Variants in KIAA1217 observed in about 807,000 individuals in gnomAD.
The protein encoded by KIAA1217 is sickle tail protein homolog.
A neutral mutation model predicts 163.9 loss-of-function variants in KIAA1217; 88 were observed. That is an observed-to-expected ratio of 0.54 (90% confidence interval 0.45 to 0.64). KIAA1217 has a LOEUF of 0.64. Among genes scored for constraint, KIAA1217 ranks in the 30% least tolerant of loss-of-function variants. The pLI is 0.00. For missense variants in KIAA1217, 2,372 were observed against 2,475.0 expected (o/e 0.96, Z 0.88); for synonymous variants, 903 against 923.1 (o/e 0.98, Z 0.39).
At chr10:24,182,841 G>T (rs2066245124) in intron 2 of KIAA1217, among the ~76,000 whole-genome samples, 1 of 152,084 alleles carries the variant, frequency 6.6e-6, no homozygotes, top group African/African-American at 2.4e-5. Context: ...AGAATCAGTT[G>T]GTCTTTGATA....
intron 2 of KIAA1217, among the ~76,000 whole-genome samples, chr10:24,251,700 A>T (rs1590232609): frequency 1.3e-5 from 2 of 151,930 alleles, no homozygotes; most frequent in African/African-American, 4.8e-5. Flanking sequence ...CCCTAATCTG[A>T]TGTTTTTGTA....
intron 2 of KIAA1217, among the ~76,000 whole-genome samples, chr10:24,047,482 C>T (rs914814352): frequency 2.0e-5 from 3 of 152,166 alleles, no homozygotes; most frequent in Admixed American, 6.5e-5. Flanking sequence ...CCAGTGTTCT[C>T]AAGAGCTCAT....
At chr10:23,829,861 G>C (rs980615420) in intron 1 of KIAA1217, among the ~76,000 whole-genome samples, 1 of 152,158 alleles carries the variant, frequency 6.6e-6, no homozygotes, top group African/African-American at 2.4e-5. Flanking sequence ...TGACCTCTTA[G>C]TAAATAGAAA....
chr10:23,907,291 T>A (rs192714900), intron 1 of KIAA1217, among the ~76,000 whole-genome samples: 15 of 144,168 alleles, frequency 1.0e-4, no homozygotes, highest in Admixed American at 5.9e-4. Context: ...ACCAATATGA[T>A]TTGTGTGTGT....
At chr10:24,410,918 G>C (rs755619152) in intron 3 of KIAA1217, among the ~76,000 whole-genome samples, 1 of 152,066 alleles carries the variant, frequency 6.6e-6, no homozygotes, top group Non-Finnish European at 1.5e-5. Flanking sequence ...TCCTTCGTGC[G>C]TGTCTTCTTT....
intron 1 of KIAA1217, among the ~76,000 whole-genome samples, chr10:23,876,602 G>T (rs1840708142): frequency 6.6e-6 from 1 of 151,894 alleles, no homozygotes; most frequent in Non-Finnish European, 1.5e-5. Flanking sequence ...TACTGGGATG[G>T]CACTCTTCCA....
intron 1 of KIAA1217, among the ~76,000 whole-genome samples, chr10:24,210,364 G>A (rs371672839): frequency 2.6e-5 from 4 of 152,242 alleles, no homozygotes; most frequent in East Asian, 3.9e-4. Flanking sequence ...GTCATCTGTC[G>A]AAGTGTCTGC....
intron 2 of KIAA1217, among the ~76,000 whole-genome samples, chr10:24,267,999 C>A (rs995798664): frequency 4.6e-5 from 7 of 152,268 alleles, no homozygotes; most frequent in South Asian, 2.1e-4. Flanking sequence ...TTGTAACTGG[C>A]CCTTTAACTT....
chr10:24,520,280 G>A lies in KIAA1217; in HGVS notation c.2308+27G>A, dbSNP rs1592617210. 2.5e-6 allele frequency: 4 copies of A among 1,612,746 alleles called. No homozygotes were observed. In the South Asian group the frequency reaches 4.4e-5, roughly 18 times the overall value. Reference sequence around the variant, plus strand: ...TAAACTTTCTGCTGGGTCGGGGGAGGAGTCTGAGCTGTCTTTCCTGCGGTG... The same window carrying A: ...TAAACTTTCTGCTGGGTCGGGGGAGAAGTCTGAGCTGTCTTTCCTGCGGTG... On this transcript the variant is annotated intron_variant, in intron 11 of 20. Coordinates refer to ENST00000376454, the MANE Select transcript of KIAA1217 (RefSeq NM_019590.5).
chr10:24,260,837 T>C (rs761754760), intron 2 of KIAA1217, among the ~76,000 whole-genome samples: 6 of 152,152 alleles, frequency 3.9e-5, no homozygotes, highest in Non-Finnish European at 8.8e-5. Flanking sequence ...CTTGACAGAA[T>C]TTGTTAAATA....
intron 2 of KIAA1217, among the ~76,000 whole-genome samples, chr10:24,267,079 G>C (rs966844686): frequency 2.6e-5 from 4 of 152,180 alleles, no homozygotes; most frequent in Non-Finnish European, 5.9e-5. Context: ...ATAGTATTGT[G>C]ATCATGTTAC....
rs150246948 is a variant in KIAA1217, at chr10:24,053,418, A to AATAT, written c.-171+46054_-171+46057dup. ...CTGACAGCTTATCATATGCGTTATGAATATATATATATAGCATTATGCTGG... is the reference window on the plus strand; with the variant it reads ...CTGACAGCTTATCATATGCGTTATGAATATATATATATATATAGCATTATGCTGG... On this transcript the variant is annotated intron_variant, in intron 2 of 18. Coordinates refer to the KIAA1217 transcript ENST00000376462. Among the ~76,000 whole-genome samples, 409 of 151,552 alleles carry AATAT rather than the reference A, an allele frequency of 2.7e-3. 2 individuals carry two copies. Among genetic ancestry groups the AATAT allele is most frequent in the African/African-American group, 8.8e-3 (364 of 41,402 alleles).
At chr10:24,062,570 G>A (rs746058400) in intron 2 of KIAA1217, among the ~76,000 whole-genome samples, 2 of 151,198 alleles carry the variant, frequency 1.3e-5, no homozygotes, top group African/African-American at 2.5e-5. Flanking sequence ...CCAAGTCTTT[G>A]CTATTGTGAA....
chr10:24,504,778 T>C (rs2068118133), intron 9 of KIAA1217, among the ~76,000 whole-genome samples: 2 of 152,240 alleles, frequency 1.3e-5, no homozygotes, highest in African/African-American at 4.8e-5. Context: ...CATATCCTAT[T>C]TGAGCATTTC....
At chr10:24,494,776 T>TTTTTC (rs1437898735) in intron 7 of KIAA1217, among the ~76,000 whole-genome samples, 172 bp downstream of exon 7, 2 of 152,186 alleles carry the variant, frequency 1.3e-5, no homozygotes, top group African/African-American at 2.4e-5. Flanking sequence ...TTGGTTGCTT[T>TTTTTC]TTTTCTTTCC....
At chr10:24,043,231 ATACT>A (rs1462003853) in intron 2 of KIAA1217, among the ~76,000 whole-genome samples, 4 of 152,314 alleles carry the variant, frequency 2.6e-5, no homozygotes, top group East Asian at 1.9e-4. Flanking sequence ...AGCATTTATA[ATACT>A]TACTTTAATA....
intron 5 of KIAA1217, among the ~76,000 whole-genome samples, chr10:24,448,751 G>T (rs1455243047): frequency 1.3e-5 from 2 of 152,186 alleles, no homozygotes; most frequent in African/African-American, 4.8e-5. Context: ...CCGTAAGGGT[G>T]ATGATTTTTG....
chr10:23,876,931 G>A (rs1445361328), intron 1 of KIAA1217, among the ~76,000 whole-genome samples: 4 of 152,034 alleles, frequency 2.6e-5, no homozygotes, highest in Middle Eastern at 6.8e-3. Context: ...CAGCAGAGAG[G>A]ACATTGACTT....
intron 4 of KIAA1217, among the ~76,000 whole-genome samples, chr10:24,434,370 C>G (rs538815614): frequency 1.3e-5 from 2 of 152,252 alleles, no homozygotes; most frequent in East Asian, 3.9e-4. Context: ...CAGGGTCTTG[C>G]TCTGTCACCC....
Sources: allele counts gnomAD v4.1 joint callset (sites outside exome capture counted in the v4.1 genomes callset), GRCh38; gene constraint gnomAD v4.1.1; transcripts MANE v1.5; gene names NCBI Gene and HGNC (gene_info 2026-07-23, HGNC 2026-07-21).